TSEN34: variants seen among roughly 807,000 people sequenced by gnomAD.
The protein encoded by TSEN34 is tRNA-splicing endonuclease subunit Sen34.
TSEN34 carries 25 observed loss-of-function variants against 30.2 expected under a neutral mutation model. That is an observed-to-expected ratio of 0.83 (90% CI 0.60 to 1.16). TSEN34 has a LOEUF of 1.16. TSEN34 is among the 50% of genes most tolerant of loss of function. The pLI is 0.00. For synonymous variants in TSEN34, 209 were observed against 177.4 expected (o/e 1.18, Z -1.41); for missense variants, 475 against 411.9 (o/e 1.15, Z -1.33).
Position 54,193,271 on chromosome 19 carries a change from G to C in TSEN34, c.842G>C (p.Gly281Ala). Residue 281 changes from glycine to alanine, a missense_variant, in exon 4 of 4, where the codon GGA (glycine) becomes GCA (alanine). Physicochemically the swap from Gly to Ala is moderately conservative, Grantham distance 60. Coordinates refer to ENST00000396388, the MANE Select transcript of TSEN34 (RefSeq NM_001077446.4). ...GACCTGGTTGCTGCTGGGCGCCTTG[G>C]AACCAGCGTCAGAAAGACCCTGCTC... Reference protein sequence around the residue: ...LQDLVAAGRLGTSVRKTLLLC... With the variant: ...LQDLVAAGRLATSVRKTLLLC... 2 of 1,614,134 alleles carry C rather than the reference G, an allele frequency of 1.2e-6. No homozygotes were observed. The highest frequency in any genetic ancestry group is 8.5e-7 in the Non-Finnish European group (1 of 1,180,032).
In TSEN34 at chr19:54,193,378, G is replaced by A; in HGVS notation, c.*16G>A. 3 of 1,614,106 alleles carry A rather than the reference G, an allele frequency of 1.9e-6. No individual in the cohort carries two copies. The highest frequency in any genetic ancestry group is 2.5e-6 in the Non-Finnish European group (3 of 1,180,006). On this transcript the variant is annotated 3_prime_UTR_variant, in exon 4 of 4. Coordinates refer to ENST00000396388, the MANE Select transcript of TSEN34 (RefSeq NM_001077446.4). ...CCTGCAGTGAACTCCAGAGACCTAG[G>A]GGATGTGGCTGTGTCGGCAGCAAGA...
chr19:54,192,036 A>G lies in TSEN34; in HGVS notation c.487+72A>G, dbSNP rs2076726592. Reference sequence around the variant, plus strand: ...GATCTTTTAGGAATTTTAGCTGGGAATCCAGTGCCTGGGTCTCCCTGAGGG... The same window carrying G: ...GATCTTTTAGGAATTTTAGCTGGGAGTCCAGTGCCTGGGTCTCCCTGAGGG... On this transcript the variant is annotated intron_variant, in intron 2 of 3. Transcript: ENST00000396388. 17 of 1,613,926 alleles carry G rather than the reference A, an allele frequency of 1.1e-5. No individual in the cohort carries two copies. In the South Asian group the frequency reaches 1.9e-4, roughly 18 times the overall value.
chr19:54,191,452 G>C lies in TSEN34; in HGVS notation c.88G>C (p.Gly30Arg). Residue 30 changes from glycine (G) to arginine (R), a missense_variant, in exon 1 of 4, where the codon GGC becomes CGC. Coordinates refer to ENST00000396388, the MANE Select transcript of TSEN34 (RefSeq NM_001077446.4). ...CCTCCGGGAGCGCCTGGGTGTGGGG[G>C]GCCGCACGGTAGGCGCCCTGCCCCG... ...QALRERLGVG[G>R]RTVGALPRGP... The C allele has an allele frequency of 6.5e-7, 1 of 1,547,890 alleles. No homozygotes were observed. The highest frequency in any genetic ancestry group is 8.7e-7 in the Non-Finnish European group (1 of 1,147,004).
chr19:54,192,533 C>T (rs1014312232), intron 3 of TSEN34, among the ~76,000 whole-genome samples, 160 bp downstream of exon 3: 2 of 152,072 alleles, frequency 1.3e-5, no homozygotes, highest in Admixed American at 6.5e-5. Context: ...CCACCTCGGC[C>T]CCCCAAAGTG....
chr19:54,191,235 A>C, upstream of TSEN34: 1 of 1,449,400 alleles, frequency 6.9e-7, no homozygotes, highest in Non-Finnish European at 9.0e-7. Flanking sequence ...ACGGCGGCTG[A>C]GCGAGGCCCC....
chr19:54,190,285 G>A, upstream of TSEN34: 2 of 1,316,900 alleles, frequency 1.5e-6, no homozygotes, highest in Non-Finnish European at 2.1e-6. Flanking sequence ...GTTGACGAGG[G>A]TGTCGGCATG....
At chr19:54,190,685 A>C, upstream of TSEN34, 1 of 1,231,814 alleles carries the variant, frequency 8.1e-7, no homozygotes, top group East Asian at 3.4e-5. Context: ...CGAACGTCAA[A>C]TTGCTGGCGT....
In TSEN34 at chr19:54,194,448, T is replaced by G. The variant is rs929268597; in HGVS notation, c.*1086T>G. The G allele has an allele frequency of 2.0e-5, 3 of 152,206 alleles. No individual in the cohort carries two copies. The highest frequency in any genetic ancestry group is 4.4e-5 in the Non-Finnish European group (3 of 68,038). The allele number at this position is 152,206 out of a possible 1,614,324, so 9.4% of individuals were successfully genotyped here. ...ACATGTATTTGTAAAAAATTTGCAC[T>G]TATGAAATCATTTACCCATGTTTTT... On this transcript the variant is annotated 3_prime_UTR_variant, in exon 4 of 4. Coordinates refer to ENST00000396388, the MANE Select transcript of TSEN34 (RefSeq NM_001077446.4).
At chr19:54,189,983 TA>T, upstream of TSEN34, 1 of 446,598 alleles carries the variant, frequency 2.2e-6, no homozygotes, top group South Asian at 2.7e-5. Context: ...CAAGTGACGC[TA>T]GGATGATAGG....
In TSEN34 at chr19:54,191,397, C is replaced by T. The variant is rs748116882; in HGVS notation, c.33C>T (p.Ser11=). MLVVEVANGR[S]LVWGAEAVQA... is the part of the protein sequence containing the mutation. ...TGGTGGAGGTGGCGAACGGCCGCTC[C>T]CTGGTGTGGGGAGCCGAGGCGGTGC... Residue 11 remains serine (S), a synonymous_variant, in exon 1 of 4, where the codon TCC becomes TCT. Transcript: ENST00000396388. 1.3e-6 allele frequency: 2 copies of T among 1,549,578 alleles called. No homozygotes were observed. Among genetic ancestry groups the T allele is most frequent in the South Asian group, 2.4e-5 (2 of 84,156 alleles).
In TSEN34 at chr19:54,193,419, C is replaced by T. The variant is rs576390679; in HGVS notation, c.*57C>T. 7 of 1,609,158 alleles carry T rather than the reference C, an allele frequency of 4.4e-6. No homozygotes were observed. Among genetic ancestry groups the T allele is most frequent in the East Asian group, 2.2e-5 (1 of 44,558 alleles). On this transcript the variant is annotated 3_prime_UTR_variant, in exon 4 of 4. Coordinates refer to ENST00000396388, the MANE Select transcript of TSEN34 (RefSeq NM_001077446.4). ...GGCAGCAAGAGCCTTTCTGGATGTT[C>T]CCCAGCTCTTCTCTGGGAGTCTAGA... is the stretch of plus-strand genomic sequence containing the variant.
chr19:54,193,715 C>T lies in TSEN34; in HGVS notation c.*353C>T. 2 of 747,072 alleles carry T rather than the reference C, an allele frequency of 2.7e-6. No individual in the cohort carries two copies. Among genetic ancestry groups the T allele is most frequent in the East Asian group, 2.7e-5 (1 of 37,476 alleles). The allele number at this position is 747,072 out of a possible 1,614,324, so 46.3% of individuals were successfully genotyped here. On this transcript the variant is annotated 3_prime_UTR_variant, in exon 4 of 4. Transcript: ENST00000396388. ...TCCTGGAACCCGTGGATGGTCTCAT[C>T]TGCATGTACAGGTGAGAAAAAGGCC... is the stretch of plus-strand genomic sequence containing the variant.
At position 54,191,396 on chromosome 19, in the gene TSEN34, C is replaced by G; in HGVS notation, c.32C>G (p.Ser11Cys). The change falls in exon 1 of 4, where the codon TCC becomes TGC. Residue 11 changes from serine (S) to cysteine (C), a missense_variant. Transcript: ENST00000396388. ...GTGGTGGAGGTGGCGAACGGCCGCT[C>G]CCTGGTGTGGGGAGCCGAGGCGGTG... MLVVEVANGR[S>C]LVWGAEAVQA... is the part of the protein sequence containing the mutation. The G allele has an allele frequency of 6.5e-7, 1 of 1,549,604 alleles. No individual in the cohort carries two copies. The highest frequency in any genetic ancestry group is 1.2e-5 in the South Asian group (1 of 84,152).
chr19:54,190,824 CACAG>C, upstream of TSEN34: 2 of 1,066,096 alleles, frequency 1.9e-6, no homozygotes, highest in East Asian at 1.3e-4. Flanking sequence ...AAAGCCGAAT[CACAG>C]TCGTTCGGAA....
chr19:54,194,432 TGTA>T lies in TSEN34; in HGVS notation c.*1071_*1073del, dbSNP rs2076821658. 6.6e-6 allele frequency: 1 copy of T among 152,202 alleles called. No homozygotes were observed. Among genetic ancestry groups the T allele is most frequent in the East Asian group, 1.9e-4 (1 of 5,204 alleles). The allele number at this position is 152,202 out of a possible 1,614,324, so 9.4% of individuals were successfully genotyped here. A position where few individuals can be genotyped will look rare whatever the true frequency, so the allele number is the denominator to read the frequency against. ...TTATAAAAGCTAAAACACATGTATTTGTAAAAAATTTGCACTTATGAAATCATT... is the reference window on the plus strand; with the variant it reads ...TTATAAAAGCTAAAACACATGTATTTAAAAATTTGCACTTATGAAATCATT... On this transcript the variant is annotated 3_prime_UTR_variant, in exon 4 of 4. Coordinates refer to ENST00000396388, the MANE Select transcript of TSEN34 (RefSeq NM_001077446.4).
At chr19:54,190,036 G>C, upstream of TSEN34, 1 of 535,902 alleles carries the variant, frequency 1.9e-6, no homozygotes, top group Non-Finnish European at 3.3e-6. Flanking sequence ...GTATTTACAA[G>C]GGGGCGGGGC....
chr19:54,193,492 G>C lies in TSEN34; in HGVS notation c.*130G>C. 6.5e-7 allele frequency: 1 copy of C among 1,549,288 alleles called. No individual in the cohort carries two copies. The highest frequency in any genetic ancestry group is 1.2e-5 in the South Asian group (1 of 84,572). On this transcript the variant is annotated 3_prime_UTR_variant, in exon 4 of 4. Coordinates refer to ENST00000396388, the MANE Select transcript of TSEN34 (RefSeq NM_001077446.4). ...GGTTAGTTTTTGATTCCAGGTTTTC[G>C]AACACTACATCTTTTTTATGTTCTT... is the stretch of plus-strand genomic sequence containing the variant.
upstream of TSEN34, chr19:54,190,900 C>A (rs913325240): frequency 9.5e-7 from 1 of 1,048,818 alleles, no homozygotes; most frequent in Admixed American, 5.5e-5. Context: ...GCCTTAGCCT[C>A]CAGAGCTTCT....
At chr19:54,191,296 G>GTGC, upstream of TSEN34, 1 of 1,544,622 alleles carries the variant, frequency 6.5e-7, no homozygotes, top group Non-Finnish European at 8.7e-7. Flanking sequence ...GAGGCTTTGG[G>GTGC]TGCGCTGCAG....
Sources: allele counts gnomAD v4.1 joint callset (sites outside exome capture counted in the v4.1 genomes callset), GRCh38; gene constraint gnomAD v4.1.1; transcripts MANE v1.5; gene names NCBI Gene and HGNC (gene_info 2026-07-23, HGNC 2026-07-21).